The following DLG2 variants were observed in gnomAD, a reference collection of about 807,000 sequenced individuals.
DLG2 encodes the protein discs large MAGUK scaffold protein 2, also known as disks large homolog 2.
Under a neutral mutation model 132.5 loss-of-function variants are expected in DLG2, and 45 were observed. The ratio of observed to expected loss-of-function variants is 0.34; its 90% CI spans 0.27 to 0.44. The LOEUF is 0.44. DLG2 is among the 20% of genes least tolerant of loss of function. The pLI is 1.00. For synonymous variants in DLG2, 424 were observed against 419.6 expected (o/e 1.01, Z -0.13); for missense variants, 1,045 against 1,196.9 (o/e 0.87, Z 1.87).
chr11:85,046,733 C>T (rs1042049430), intron 6 of DLG2, among the ~76,000 whole-genome samples: 7 of 151,826 alleles, frequency 4.6e-5, no homozygotes, highest in African/African-American at 9.7e-5. Flanking sequence ...TTCTGATCAT[C>T]GGATTAACAT....
intron 6 of DLG2, among the ~76,000 whole-genome samples, chr11:84,781,801 T>C (rs1161030455): frequency 6.6e-6 from 1 of 152,136 alleles, no homozygotes; most frequent in Admixed American, 6.6e-5. Context: ...ACAAGATATT[T>C]CCATGTCCTC....
intron 3 of DLG2, among the ~76,000 whole-genome samples, chr11:85,503,806 C>A (rs1033887735): frequency 2.0e-5 from 3 of 152,008 alleles, no homozygotes; most frequent in African/African-American, 7.2e-5. Flanking sequence ...GTGGCACACA[C>A]CTGTAGTCCC....
At chr11:84,467,067 G>A (rs2099096415) in intron 7 of DLG2, among the ~76,000 whole-genome samples, 1 of 151,216 alleles carries the variant, frequency 6.6e-6, no homozygotes, top group African/African-American at 2.4e-5. Context: ...AGCAACGACC[G>A]TATCTAGCAC....
rs367806221 is a variant in DLG2 at position 83,923,287 on chromosome 11, C to T, written c.1496+7041G>A. The stretch of plus-strand genomic sequence containing the variant: ...GTGCCTGGATGAAAATTCATTTGCT[C>T]AATTTCCCTTGATCATCACAGCAAT... On this transcript the variant is annotated intron_variant, in intron 15 of 27. Transcript: ENST00000376104. 5.9e-5 allele frequency among the ~76,000 whole-genome samples: 9 copies of T among 152,248 alleles called. No homozygotes were observed. In the South Asian group the frequency reaches 1.9e-3, roughly 32 times the overall value.
intron 2 of DLG2, among the ~76,000 whole-genome samples, chr11:85,611,436 C>A (rs2080992293): frequency 6.6e-6 from 1 of 152,208 alleles, no homozygotes; most frequent in Non-Finnish European, 1.5e-5. Flanking sequence ...GATGGGGAAC[C>A]AATCAGCATG....
In DLG2 at chr11:84,894,702, A is replaced by C. The variant is rs1186224922; in HGVS notation, c.357+216959T>G. ...GGAGGCATTGTTGGGAGTTAGGTTCAATGATACTCTATATCACATGGATCA... is the reference window on the plus strand; with the variant it reads ...GGAGGCATTGTTGGGAGTTAGGTTCCATGATACTCTATATCACATGGATCA... On this transcript the variant is annotated intron_variant, in intron 6 of 27. Transcript: ENST00000376104. 2.6e-5 allele frequency among the ~76,000 whole-genome samples: 4 copies of C among 152,168 alleles called. No homozygotes were observed. In the East Asian group the frequency reaches 7.7e-4, roughly 29 times the overall value.
chr11:84,495,073 C>T (rs2099177641), intron 7 of DLG2, among the ~76,000 whole-genome samples: 1 of 152,196 alleles, frequency 6.6e-6, no homozygotes. Context: ...TAAACATAAA[C>T]CAGTTGTGTC....
At chr11:84,673,161 G>A (rs75793475) in intron 6 of DLG2, among the ~76,000 whole-genome samples, 2,207 of 152,122 alleles carry the variant, frequency 0.015, 47 homozygotes, top group African/African-American at 0.05. Flanking sequence ...GATCCAAACC[G>A]TATCACCTGG....
intron 18 of DLG2, among the ~76,000 whole-genome samples, chr11:83,764,018 T>C (rs1459283203): frequency 6.6e-6 from 1 of 152,252 alleles, no homozygotes; most frequent in African/African-American, 2.4e-5. Flanking sequence ...GGTAAGCCCA[T>C]GTTGGCCATT....
chr11:85,565,238 G>C (rs763022239), intron 3 of DLG2, among the ~76,000 whole-genome samples: 1 of 151,846 alleles, frequency 6.6e-6, no homozygotes, highest in Non-Finnish European at 1.5e-5. Context: ...CACTGGCTAG[G>C]TTCTCTAGCC....
intron 4 of DLG2, among the ~76,000 whole-genome samples, chr11:85,271,483 G>C (rs188902935): frequency 1.3e-5 from 2 of 152,182 alleles, no homozygotes; most frequent in African/African-American, 4.8e-5. Context: ...GAATGCCACT[G>C]TCCTCCAGAC....
chr11:85,054,238 C>G (rs559109729), intron 6 of DLG2, among the ~76,000 whole-genome samples: 17 of 151,396 alleles, frequency 1.1e-4, no homozygotes, highest in African/African-American at 4.1e-4. Flanking sequence ...GCACTCCAGC[C>G]TGGCGACAGA....
rs1593138197 is a variant in DLG2 at position 85,042,119 on chromosome 11, A to G, written c.357+69542T>C. Among the ~76,000 whole-genome samples, 3 of 151,986 alleles carry G rather than the reference A, an allele frequency of 2.0e-5. No individual in the cohort carries two copies. The East Asian group carries it at 5.8e-4, about 29-fold the overall frequency. Reference sequence around the variant, plus strand: ...TAAGTTGGGTTAAAAAAGGAATGCAATTGGAGACACATTAGCTTTGAGACA... The same window carrying G: ...TAAGTTGGGTTAAAAAAGGAATGCAGTTGGAGACACATTAGCTTTGAGACA... On this transcript the variant is annotated intron_variant, in intron 6 of 27. Transcript: ENST00000376104.
chr11:83,958,385 A>G (rs2087496242), intron 14 of DLG2, among the ~76,000 whole-genome samples: 1 of 152,100 alleles, frequency 6.6e-6, no homozygotes, highest in South Asian at 2.1e-4. Context: ...CTTTTTTTAT[A>G]TGATGCTTTT....
chr11:84,471,564 A>G (rs1161588702), intron 7 of DLG2, among the ~76,000 whole-genome samples: 1 of 151,748 alleles, frequency 6.6e-6, no homozygotes, highest in Non-Finnish European at 1.5e-5. Context: ...GGAAAGGAAA[A>G]GGGGAAAAGG....
chr11:84,909,102 G>A (rs763637421), intron 6 of DLG2, among the ~76,000 whole-genome samples: 1 of 152,066 alleles, frequency 6.6e-6, no homozygotes, highest in Non-Finnish European at 1.5e-5. Context: ...TTCTTTTCTC[G>A]TCTTTGAAAC....
rs532279007 is a variant in DLG2 at position 85,071,093 on chromosome 11, T to TA, written c.357+40567dup. 2.0e-5 allele frequency among the ~76,000 whole-genome samples: 3 copies of TA among 151,988 alleles called. No homozygotes were observed. In the South Asian group the frequency reaches 6.2e-4, roughly 32 times the overall value. On this transcript the variant is annotated intron_variant, in intron 6 of 27. Coordinates refer to ENST00000376104, the MANE Select transcript of DLG2 (RefSeq NM_001142699.3). ...AAAATGGACAATAGCGTTTAACACA[T>TA]AGAGTTGTTGGGAGGATTAAATGAA...
intron 3 of DLG2, among the ~76,000 whole-genome samples, chr11:85,462,665 C>A: frequency 6.7e-6 from 1 of 149,210 alleles, no homozygotes; most frequent in African/African-American, 2.5e-5. Context: ...GTGGGGGGAG[C>A]GGGGAGGGAT....
chr11:84,092,319 G>C (rs1230506289), intron 10 of DLG2, among the ~76,000 whole-genome samples: 1 of 152,226 alleles, frequency 6.6e-6, no homozygotes, highest in Non-Finnish European at 1.5e-5. Flanking sequence ...ATAGATAACA[G>C]AGTTGTATTG....
Sources: allele counts gnomAD v4.1 joint callset (sites outside exome capture counted in the v4.1 genomes callset), GRCh38; gene constraint gnomAD v4.1.1; transcripts MANE v1.5; gene names NCBI Gene and HGNC (gene_info 2026-07-23, HGNC 2026-07-21).